Variants in KIFC3 observed in about 807,000 individuals in gnomAD.
KIFC3 encodes kinesin family member C3.
In KIFC3, 60 loss-of-function variants were observed where a neutral mutation model predicts 101.8. The ratio of observed to expected loss-of-function variants is 0.59; its 90% CI spans 0.48 to 0.73. The LOEUF is 0.73. Ranked by LOEUF, KIFC3 falls within the 30% of genes least tolerant of loss-of-function variation. The pLI is 0.00. For missense variants in KIFC3, 966 were observed against 1,137.1 expected (o/e 0.85, Z 2.16); for synonymous variants, 476 against 482.7 (o/e 0.99, Z 0.18).
In KIFC3 at chr16:57,769,874, G is replaced by A. The variant is rs201705421; in HGVS notation, c.1021C>T (p.Arg341Trp). The A allele has an allele frequency of 9.9e-6, 16 of 1,613,860 alleles. No individual in the cohort carries two copies. Among genetic ancestry groups the A allele is most frequent in the Admixed American group, 3.3e-5 (2 of 60,010 alleles). The change falls in exon 8 of 20, where the codon CGG (arginine) becomes TGG (tryptophan). Residue 341 changes from arginine to tryptophan, a missense_variant. Coordinates refer to ENST00000445690, the MANE Select transcript of KIFC3 (RefSeq NM_001130100.2). This position sits in a 1 kb window ranked among gnomAD's most constrained non-coding sequence, Gnocchi z 4.3. ...EMQSLEEDKN[R>W]AIEEAFARAQ... is the part of the protein sequence containing the mutation. ...CTGGCAAAGGCCTCCTCAATGGCCC[G>A]GTTCTTGTCCTCTTCCAGGGACTGC...
intron 1 of KIFC3, among the ~76,000 whole-genome samples, chr16:57,838,703 C>A (rs2055746620): frequency 6.6e-6 from 1 of 152,054 alleles, no homozygotes; most frequent in Non-Finnish European, 1.5e-5. Flanking sequence ...CTTTTAAGAC[C>A]ATCAGGGTTA....
chr16:57,760,817 C>T lies in KIFC3; in HGVS notation c.2141G>A (p.Arg714His), dbSNP rs1174862009. Residue 714 changes from arginine to histidine, a missense_variant, in exon 16 of 20, where the codon CGC (arginine) becomes CAC (histidine). Coordinates refer to ENST00000445690, the MANE Select transcript of KIFC3 (RefSeq NM_001130100.2). Reference protein sequence around the residue: ...LGDVIAALRSRQGHVPFRNSK... With the variant: ...LGDVIAALRSHQGHVPFRNSK... Reference sequence around the variant, plus strand: ...GTTGCGGAAGGGCACGTGGCCCTGGCGGGAGCGCAGGGCAGCAATGACGTC... The same window carrying T: ...GTTGCGGAAGGGCACGTGGCCCTGGTGGGAGCGCAGGGCAGCAATGACGTC... The T allele has an allele frequency of 1.9e-6, 3 of 1,613,520 alleles. No individual in the cohort carries two copies. The highest frequency in any genetic ancestry group is 2.5e-6 in the Non-Finnish European group (3 of 1,179,972).
intron 3 of KIFC3, among the ~76,000 whole-genome samples, chr16:57,792,000 G>A (rs1404984897): frequency 6.6e-6 from 1 of 152,220 alleles, no homozygotes; most frequent in African/African-American, 2.4e-5. Context: ...ATCAGGGGCT[G>A]GGACAACAAG....
At chr16:57,855,148 A>G (rs368151719) in intron 1 of KIFC3, among the ~76,000 whole-genome samples, 1 of 123,214 alleles carries the variant, frequency 8.1e-6, no homozygotes, top group African/African-American at 3.1e-5. Context: ...TTTTTTAGAC[A>G]TGGTCTTGCT....
In KIFC3 at chr16:57,843,174, T is replaced by C. The variant is rs1328878904; in HGVS notation, c.108+19555A>G. 1.1e-4 allele frequency among the ~76,000 whole-genome samples: 16 copies of C among 152,106 alleles called. 1 individual carries two copies. In the South Asian group the frequency reaches 1.9e-3, roughly 18 times the overall value. ...AAATATAAATGTAAATAAATAAATA[T>C]CATACAGCACCTACTCTGTGCCAGG... On this transcript the variant is annotated intron_variant, in intron 1 of 2. Coordinates refer to the KIFC3 transcript ENST00000563028.
intron 1 of KIFC3, among the ~76,000 whole-genome samples, chr16:57,859,247 T>A (rs2056242976): frequency 1.3e-5 from 2 of 152,206 alleles, no homozygotes; most frequent in Admixed American, 1.3e-4. Context: ...GCAGCAAAGA[T>A]AATATTGTGC....
At chr16:57,835,811 A>G (rs1368474720) in intron 1 of KIFC3, among the ~76,000 whole-genome samples, 2 of 152,170 alleles carry the variant, frequency 1.3e-5, no homozygotes, top group South Asian at 2.1e-4. Flanking sequence ...TTAGCCAGAT[A>G]TGGTGGCATG....
intron 3 of KIFC3, among the ~76,000 whole-genome samples, chr16:57,793,214 AGGTGAAGGTTGC>A (rs1390047166): frequency 2.0e-4 from 30 of 151,832 alleles, no homozygotes; most frequent in Middle Eastern, 6.8e-3. Context: ...TGAACCTGGG[AGGTGAAGGTTGC>A]AGTGGGCTGC....
At chr16:57,768,849 G>T (rs1478845427) in intron 9 of KIFC3, among the ~76,000 whole-genome samples, 1 of 152,142 alleles carries the variant, frequency 6.6e-6, no homozygotes, top group Non-Finnish European at 1.5e-5. Flanking sequence ...CAGCTTGAAA[G>T]AATTAAGTTA....
chr16:57,839,322 T>G (rs1006588479), intron 1 of KIFC3, among the ~76,000 whole-genome samples: 34 of 152,258 alleles, frequency 2.2e-4, no homozygotes, highest in African/African-American at 7.9e-4. Context: ...GGAGGATCCC[T>G]TGAGCTCAGG....
At chr16:57,801,335 C>A (rs1210125307) in intron 1 of KIFC3, among the ~76,000 whole-genome samples, 1 of 152,166 alleles carries the variant, frequency 6.6e-6, no homozygotes, top group Non-Finnish European at 1.5e-5. Context: ...ACAGGGAATG[C>A]CACCTCCCTG....
chr16:57,788,439 T>C, intron 3 of KIFC3: 1 of 700,540 alleles, frequency 1.4e-6, no homozygotes, highest in Non-Finnish European at 2.0e-6. Flanking sequence ...CAGCTGCGGA[T>C]CAGGCAGCTG....
chr16:57,769,514 G>T lies in KIFC3; in HGVS notation c.1218+81C>A. 1 of 1,521,156 alleles carries T rather than the reference G, an allele frequency of 6.6e-7. No individual in the cohort carries two copies. The allele number at this position is 1,521,156 out of a possible 1,614,324, so 94.2% of individuals were successfully genotyped here. Reference sequence around the variant, plus strand: ...TCTGAGCGGCTTTGTCTGAGCTTTGGAGGGACGCCCTGAGTGGATGTCGTG... The same window carrying T: ...TCTGAGCGGCTTTGTCTGAGCTTTGTAGGGACGCCCTGAGTGGATGTCGTG... On this transcript the variant is annotated intron_variant, in intron 9 of 19. Transcript: ENST00000445690. This position sits in a 1 kb window ranked among gnomAD's most constrained non-coding sequence, Gnocchi z 4.3.
intron 3 of KIFC3, among the ~76,000 whole-genome samples, chr16:57,777,423 A>G (rs2052230250): frequency 6.6e-6 from 1 of 152,228 alleles, no homozygotes; most frequent in African/African-American, 2.4e-5. Context: ...AAACTCACTA[A>G]AAAGCTACAG....
intron 3 of KIFC3, chr16:57,785,653 A>G (rs1239992448): frequency 8.0e-7 from 1 of 1,247,156 alleles, no homozygotes. Flanking sequence ...TCCTGCTGCC[A>G]AAGAGACGCC....
At chr16:57,790,102 CAG>C (rs2053746714) in intron 3 of KIFC3, among the ~76,000 whole-genome samples, 1 of 53,226 alleles carries the variant, frequency 1.9e-5, no homozygotes, top group Non-Finnish European at 4.7e-5. Flanking sequence ...TTTTTAAAGA[CAG>C]AGTTTCACTC....
chr16:57,815,719 C>A, intron 1 of KIFC3: 1 of 1,183,498 alleles, frequency 8.4e-7, no homozygotes, highest in Non-Finnish European at 1.1e-6. Context: ...TCTGTCTACT[C>A]CCTCAACTCC....
chr16:57,770,021 GAGAA>G lies in KIFC3; in HGVS notation c.940-70_940-67del, dbSNP rs2050962495. On this transcript the variant is annotated intron_variant, in intron 7 of 19. Coordinates refer to ENST00000445690, the MANE Select transcript of KIFC3 (RefSeq NM_001130100.2). ...GAGAGAGAGGGGCAGGTGCCACACC[GAGAA>G]AGAAACTGGTCACCTCCCATGCACA... 3.2e-6 allele frequency: 5 copies of G among 1,553,410 alleles called. No individual in the cohort carries two copies. In the East Asian group the frequency reaches 1.1e-4, roughly 35 times the overall value.
intron 1 of KIFC3, among the ~76,000 whole-genome samples, chr16:57,839,263 G>A (rs1057353762): frequency 1.3e-5 from 2 of 152,124 alleles, no homozygotes; most frequent in Non-Finnish European, 2.9e-5. Context: ...GATTAGCTGG[G>A]CACAGTGACT....
Sources: allele counts gnomAD v4.1 joint callset (sites outside exome capture counted in the v4.1 genomes callset), GRCh38; gene constraint gnomAD v4.1.1; non-coding constraint Gnocchi (gnomAD v3.1); transcripts MANE v1.5; gene names NCBI Gene and HGNC (gene_info 2026-07-23, HGNC 2026-07-21).